STXBP5L: variants seen among roughly 807,000 people sequenced by gnomAD.
STXBP5L encodes syntaxin-binding protein 5-like.
Under a neutral mutation model 144.5 loss-of-function variants are expected in STXBP5L, and 65 were observed. The observed-to-expected ratio is 0.45, with a 90% confidence interval of 0.37 to 0.55. STXBP5L has a LOEUF of 0.55. STXBP5L is among the 20% of genes least tolerant of loss of function. The pLI is 0.00. For synonymous variants in STXBP5L, 505 were observed against 469.6 expected, an observed-to-expected ratio of 1.08 and a Z score of -0.97; for missense variants, 1,298 against 1,405.5, an observed-to-expected ratio of 0.92 and a Z score of 1.22.
intron 20 of STXBP5L, among the ~76,000 whole-genome samples, chr3:121,333,643 G>A (rs879899183): frequency 6.6e-6 from 1 of 151,080 alleles, no homozygotes; most frequent in East Asian, 1.9e-4. Flanking sequence ...GGGTAATAAA[G>A]AGTAAAAGAG....
intron 5 of STXBP5L, among the ~76,000 whole-genome samples, chr3:121,058,202 A>T (rs1408616856): frequency 6.6e-6 from 1 of 152,052 alleles, no homozygotes. Context: ...TTCGCCTCCC[A>T]CTTATGAGTG....
intron 7 of STXBP5L, among the ~76,000 whole-genome samples, chr3:121,132,252 GAA>G (rs2045025752): frequency 6.6e-6 from 1 of 152,188 alleles, no homozygotes; most frequent in South Asian, 2.1e-4. Context: ...CCCTTAGGTT[GAA>G]AAGAGTGGAT....
intron 18 of STXBP5L, among the ~76,000 whole-genome samples, chr3:121,260,715 T>C (rs1458521071): frequency 1.3e-5 from 2 of 152,192 alleles, no homozygotes; most frequent in Non-Finnish European, 1.5e-5. Context: ...CATTACCTTA[T>C]ATATTTCACT....
intron 19 of STXBP5L, among the ~76,000 whole-genome samples, chr3:121,302,641 A>G (rs338966): frequency 0.63 from 94,953 of 151,864 alleles, 29,876 homozygotes; most frequent in East Asian, 0.8. Flanking sequence ...ATGTTAGGGT[A>G]TCAATTTTAG....
chr3:121,004,715 G>A (rs1045838479), intron 3 of STXBP5L, among the ~76,000 whole-genome samples: 2 of 152,128 alleles, frequency 1.3e-5, no homozygotes, highest in Non-Finnish European at 2.9e-5. Context: ...CTTATTTTGA[G>A]ATACGTCCCA....
At chr3:121,398,482 C>T (rs1422360590) in intron 22 of STXBP5L, among the ~76,000 whole-genome samples, 2 of 152,252 alleles carry the variant, frequency 1.3e-5, no homozygotes, top group African/African-American at 2.4e-5. Context: ...TTCCCAAAAT[C>T]GGGTTCCCAT....
intron 9 of STXBP5L, among the ~76,000 whole-genome samples, chr3:121,163,085 G>A (rs566613706): frequency 2.2e-4 from 33 of 152,244 alleles, no homozygotes; most frequent in African/African-American, 5.3e-4. Context: ...ATATCCAAAG[G>A]ATTATAAATC....
At chr3:121,312,002 T>C (rs1339794769) in intron 19 of STXBP5L, among the ~76,000 whole-genome samples, 2 of 151,998 alleles carry the variant, frequency 1.3e-5, no homozygotes, top group East Asian at 1.9e-4. Context: ...GAGATATAGA[T>C]CAATGGAACA....
chr3:120,943,813 T>G (rs61669943), intron 2 of STXBP5L, among the ~76,000 whole-genome samples: 2,209 of 151,492 alleles, frequency 0.015, 58 homozygotes, highest in African/African-American at 0.051. Flanking sequence ...ACAACTGTTT[T>G]CTTCTTCTTC....
chr3:121,321,239 A>AT (rs1178042517), intron 20 of STXBP5L, among the ~76,000 whole-genome samples: 275 of 151,708 alleles, frequency 1.8e-3, no homozygotes, highest in African/African-American at 5.8e-3. Flanking sequence ...GGAATGAGAG[A>AT]TTTTTTTTTC....
chr3:121,180,883 AAGAAG>A (rs1479279621), intron 9 of STXBP5L, among the ~76,000 whole-genome samples: 6 of 148,966 alleles, frequency 4.0e-5, no homozygotes, highest in Middle Eastern at 3.4e-3. Flanking sequence ...TGAAAAGAAA[AAGAAG>A]AGAAGACAAG....
chr3:121,348,473 A>T (rs2045107320), intron 20 of STXBP5L, among the ~76,000 whole-genome samples: 1 of 152,142 alleles, frequency 6.6e-6, no homozygotes, highest in Admixed American at 6.6e-5. Flanking sequence ...TGGCCTCATA[A>T]AATGAGTTAG....
intron 23 of STXBP5L, among the ~76,000 whole-genome samples, chr3:121,408,249 A>G (rs892136889): frequency 4.6e-5 from 7 of 152,128 alleles, no homozygotes; most frequent in African/African-American, 1.7e-4. Context: ...TACGAGACAC[A>G]AAAATAATTA....
At chr3:121,176,590 A>G (rs1053428967) in intron 9 of STXBP5L, among the ~76,000 whole-genome samples, 1 of 151,872 alleles carries the variant, frequency 6.6e-6, no homozygotes, top group Admixed American at 6.6e-5. Flanking sequence ...CAAATCAAAA[A>G]TTTAAAAATT....
At chr3:121,253,348 A>G (rs2050088566) in intron 15 of STXBP5L, among the ~76,000 whole-genome samples, 1 of 150,928 alleles carries the variant, frequency 6.6e-6, no homozygotes, top group Non-Finnish European at 1.5e-5. Flanking sequence ...TTTACTCTTT[A>G]TCTCTTCCTT....
At chr3:121,147,004 A>G (rs2045737086) in intron 7 of STXBP5L, among the ~76,000 whole-genome samples, 1 of 152,140 alleles carries the variant, frequency 6.6e-6, no homozygotes, top group South Asian at 2.1e-4. Flanking sequence ...CTACAATTGT[A>G]GTTGGAGATT....
At chr3:120,956,322 A>T (rs1938031020) in intron 3 of STXBP5L, among the ~76,000 whole-genome samples, 2 of 151,754 alleles carry the variant, frequency 1.3e-5, no homozygotes, top group Admixed American at 6.6e-5. Context: ...TTAAATTATA[A>T]CTCTCCATGT....
At position 121,059,112 on chromosome 3, in the gene STXBP5L, C is replaced by T. The variant is rs552469810; in HGVS notation, c.470+13577C>T. On this transcript the variant is annotated intron_variant, in intron 5 of 26. Coordinates refer to ENST00000471454, the MANE Select transcript of STXBP5L (RefSeq NM_001308330.2). ...AGAGTTTTTATGATTTTAGGTCTTA[C>T]GTTTAAGTCTTCAATCCATCTTGAG... Among the ~76,000 whole-genome samples the T allele has an allele frequency of 2.6e-5, 4 of 152,210 alleles. No homozygotes were observed. In the East Asian group the frequency reaches 5.8e-4, roughly 22 times the overall value.
chr3:120,918,400 G>A (rs1264014809), intron 2 of STXBP5L, among the ~76,000 whole-genome samples: 1 of 152,098 alleles, frequency 6.6e-6, no homozygotes, highest in Non-Finnish European at 1.5e-5. Flanking sequence ...GTTATTTTAT[G>A]GAAAACTTTA....
Sources: gnomAD v4.1 joint callset for allele counts (sites outside exome capture counted in the v4.1 genomes callset) on GRCh38, gnomAD v4.1.1 for gene constraint, MANE v1.5 for transcripts, NCBI Gene and HGNC (gene_info 2026-07-23, HGNC 2026-07-21) for gene names.